UMAD1: variants seen among roughly 807,000 people sequenced by gnomAD.
The protein encoded by UMAD1 is UBAP1-MVB12-associated (UMA) domain containing 1.
A neutral mutation model predicts 6.1 loss-of-function variants in UMAD1; 8 were observed. That is an observed-to-expected ratio of 1.30 (90% CI 0.76 to 2.35). UMAD1 has a LOEUF of 2.35. Among genes scored for constraint, UMAD1 ranks in the 30% most tolerant of loss-of-function variants. UMAD1 has a pLI of 0.00. For synonymous variants in UMAD1, 56 were observed against 31.4 expected (o/e 1.78, Z -2.61); for missense variants, 130 against 78.4 (o/e 1.66, Z -2.49).
intron 1 of UMAD1, among the ~76,000 whole-genome samples, chr7:7,644,645 T>G (rs1277332977): frequency 6.6e-6 from 1 of 152,204 alleles, no homozygotes; most frequent in Non-Finnish European, 1.5e-5. Context: ...TTTTGCCACC[T>G]TCACTTGTCA....
intron 2 of UMAD1, among the ~76,000 whole-genome samples, chr7:7,744,096 C>T (rs1440855572): frequency 1.3e-5 from 2 of 152,084 alleles, no homozygotes; most frequent in African/African-American, 4.8e-5. Flanking sequence ...ATCCTCTTTC[C>T]CCTAACCCTA....
rs1554312897 is a variant in UMAD1 at position 7,673,368 on chromosome 7, A to AGCG, written c.-2_-1insGGC. 247 of 1,125,950 alleles carry AGCG rather than the reference A, an allele frequency of 2.2e-4. 1 individual carries two copies. In the African/African-American group the frequency reaches 3.5e-3, roughly 16 times the overall value. 69.7% of individuals were successfully genotyped at this position (1,125,950 alleles called of 1,614,324 possible). ...CAGCAGCAGCAGCAGCAGCAGCAGC[A>AGCG]GCAATGTTTCACTTCTTCAGAAAGC... is the stretch of plus-strand genomic sequence containing the variant. On this transcript the variant is annotated 5_prime_UTR_variant, in exon 2 of 4. Coordinates refer to ENST00000682710, the MANE Select transcript of UMAD1 (RefSeq NM_001302348.2).
intron 2 of UMAD1, among the ~76,000 whole-genome samples, chr7:7,702,667 AT>A (rs1267937149): frequency 6.6e-6 from 1 of 152,214 alleles, no homozygotes; most frequent in African/African-American, 2.4e-5. Context: ...TTTTGTGTAT[AT>A]TAAGTGACTT....
chr7:7,678,423 T>C (rs1779804757), intron 2 of UMAD1, among the ~76,000 whole-genome samples: 1 of 144,278 alleles, frequency 6.9e-6, no homozygotes, highest in Non-Finnish European at 1.5e-5. Flanking sequence ...AAAATATATT[T>C]ATATATTATT....
At chr7:7,872,022 C>T (rs1784341391) in intron 3 of UMAD1, among the ~76,000 whole-genome samples, 2 of 151,782 alleles carry the variant, frequency 1.3e-5, no homozygotes, top group South Asian at 4.2e-4. Flanking sequence ...TCCATGCAGA[C>T]CTCCGAAAGA....
At chr7:7,651,464 T>C (rs10261507) in intron 1 of UMAD1, among the ~76,000 whole-genome samples, 2,442 of 152,330 alleles carry the variant, frequency 0.016, 47 homozygotes, top group African/African-American at 0.049. Context: ...CTGGGGCCTT[T>C]GCCAGGGAAC....
chr7:7,708,094 C>T (rs1172531675), intron 2 of UMAD1, among the ~76,000 whole-genome samples: 1 of 152,176 alleles, frequency 6.6e-6, no homozygotes, highest in Non-Finnish European at 1.5e-5. Context: ...TTCTCTTAGC[C>T]TCCTTCATTA....
At chr7:7,650,175 T>G (rs1490379178) in intron 1 of UMAD1, among the ~76,000 whole-genome samples, 1 of 152,250 alleles carries the variant, frequency 6.6e-6, no homozygotes, top group Non-Finnish European at 1.5e-5. Context: ...GATTTAGTTC[T>G]GTTTTGATTT....
intron 2 of UMAD1, among the ~76,000 whole-genome samples, chr7:7,774,659 G>C (rs568943018): frequency 2.3e-4 from 35 of 152,314 alleles, no homozygotes; most frequent in African/African-American, 7.7e-4. Flanking sequence ...TTCTTTGTGA[G>C]TGCTCTTAAA....
chr7:7,743,112 G>T (rs770100786), intron 2 of UMAD1, among the ~76,000 whole-genome samples: 5 of 152,120 alleles, frequency 3.3e-5, no homozygotes, highest in Admixed American at 1.3e-4. Flanking sequence ...GTGAATTTCT[G>T]TGTAAGTATG....
At chr7:7,730,231 C>T (rs1035113320) in intron 2 of UMAD1, among the ~76,000 whole-genome samples, 2 of 152,178 alleles carry the variant, frequency 1.3e-5, no homozygotes, top group African/African-American at 4.8e-5. Context: ...CTTGGCTGTA[C>T]TTTGGAATCA....
intron 2 of UMAD1, among the ~76,000 whole-genome samples, chr7:7,734,208 C>T (rs1781306656): frequency 1.3e-5 from 2 of 152,044 alleles, no homozygotes; most frequent in South Asian, 2.1e-4. Context: ...TTTGTTAGCT[C>T]ATGACATCTC....
intron 3 of UMAD1, among the ~76,000 whole-genome samples, chr7:7,828,129 T>C (rs1783382620): frequency 6.6e-6 from 1 of 152,234 alleles, no homozygotes; most frequent in Non-Finnish European, 1.5e-5. Context: ...AAACCTTTCA[T>C]CAATTTCAAA....
chr7:7,719,361 T>C (rs1583772404), intron 2 of UMAD1, among the ~76,000 whole-genome samples: 1 of 152,346 alleles, frequency 6.6e-6, no homozygotes, highest in East Asian at 1.9e-4. Flanking sequence ...TCTGCACTTG[T>C]ATCGCAGCAA....
intron 2 of UMAD1, among the ~76,000 whole-genome samples, chr7:7,724,616 C>G (rs917987905): frequency 2.6e-5 from 4 of 152,210 alleles, no homozygotes; most frequent in Non-Finnish European, 5.9e-5. Flanking sequence ...CCCCACTCAG[C>G]TCTCCTGTTT....
At position 7,673,361 on chromosome 7, in the gene UMAD1, CAGCAGCAGCAAT is replaced by C. The variant is rs1779658093; in HGVS notation, c.-10_2del. ...GCAGCAGCAGCAGCAGCAGCAGCAG[CAGCAGCAGCAAT>C]GTTTCACTTCTTCAGAAAGCCTCCG... On this transcript the variant is annotated start_lost and 5_prime_UTR_variant, in exon 2 of 4. Coordinates refer to ENST00000682710, the MANE Select transcript of UMAD1 (RefSeq NM_001302348.2). 7 of 1,257,370 alleles carry C rather than the reference CAGCAGCAGCAAT, an allele frequency of 5.6e-6. No individual in the cohort carries two copies. Among genetic ancestry groups the C allele is most frequent in the East Asian group, 2.5e-5 (1 of 39,324 alleles). 77.9% of individuals were successfully genotyped at this position (1,257,370 alleles called of 1,614,324 possible).
chr7:7,751,504 A>G (rs1781677359), intron 2 of UMAD1, among the ~76,000 whole-genome samples: 1 of 152,226 alleles, frequency 6.6e-6, no homozygotes, highest in African/African-American at 2.4e-5. Context: ...TAGCTTTGCA[A>G]TGTGGAAAAG....
At chr7:7,709,630 A>T (rs912056609) in intron 2 of UMAD1, among the ~76,000 whole-genome samples, 5 of 152,248 alleles carry the variant, frequency 3.3e-5, no homozygotes, top group Non-Finnish European at 7.3e-5. Flanking sequence ...ATCTTTCCCT[A>T]ACAAGGGTCT....
chr7:7,751,897 A>G (rs1052641430), intron 2 of UMAD1, among the ~76,000 whole-genome samples: 1 of 152,214 alleles, frequency 6.6e-6, no homozygotes, highest in Non-Finnish European at 1.5e-5. Context: ...CGGTCCTTCT[A>G]TCACATTTCC....
Sources: allele counts gnomAD v4.1 joint callset (sites outside exome capture counted in the v4.1 genomes callset), GRCh38; gene constraint gnomAD v4.1.1; transcripts MANE v1.5; gene names NCBI Gene and HGNC (gene_info 2026-07-23, HGNC 2026-07-21).